Variants in ARHGAP39 observed in about 807,000 individuals in gnomAD.
ARHGAP39 encodes Rho GTPase activating protein 39.
In ARHGAP39, 44 loss-of-function variants were observed where a neutral mutation model predicts 106.9. That is an observed-to-expected ratio of 0.41 (90% CI 0.32 to 0.53). The LOEUF (loss-of-function observed/expected upper bound fraction) is 0.53, where lower values mean the gene tolerates loss of function less well. Among genes scored for constraint, ARHGAP39 ranks in the 20% least tolerant of loss-of-function variants. The pLI, the probability that ARHGAP39 is intolerant of heterozygous loss-of-function variation, is 0.21. For missense variants in ARHGAP39, 1,496 were observed against 1,577.3 expected (o/e 0.95, Z 0.87); for synonymous variants, 768 against 693.2 (o/e 1.11, Z -1.69).
chr8:144,552,873 A>G (rs965558906), intron 4 of ARHGAP39, among the ~76,000 whole-genome samples: 1 of 151,844 alleles, frequency 6.6e-6, no homozygotes, highest in African/African-American at 2.4e-5. Flanking sequence ...GCCATCTCAC[A>G]TGGCATCACA....
Position 144,530,685 on chromosome 8 carries a change from C to T in ARHGAP39, c.3150+17G>A. On this transcript the variant is annotated intron_variant, in intron 11 of 11. Transcript: ENST00000377307. ...CGGGGAGGGGAAAGCAGCGGGGACC[C>T]CCGGGGAGGGAAGTACCTGCAGGAA... is the stretch of plus-strand genomic sequence containing the variant. The T allele has an allele frequency of 6.4e-7, 1 of 1,573,130 alleles. No individual in the cohort carries two copies. The highest frequency in any genetic ancestry group is 8.6e-7 in the Non-Finnish European group (1 of 1,158,014).
chr8:144,593,267 A>T lies in ARHGAP39; in HGVS notation c.81-11990T>A, dbSNP rs569211505. Among the ~76,000 whole-genome samples the T allele has an allele frequency of 2.6e-5, 4 of 152,266 alleles. No individual in the cohort carries two copies. The South Asian group carries it at 8.3e-4, about 32-fold the overall frequency. On this transcript the variant is annotated intron_variant, in intron 2 of 11. Transcript: ENST00000377307. ...CCAGACAATTTGCCAGGTGCTAGGG[A>T]CACAAGAGTGAACAAGAATGTGCCC...
At chr8:144,691,652 G>GT in the ARHGAP39 span, among the ~76,000 whole-genome samples, 4 of 151,762 alleles carry the variant, frequency 2.6e-5, no homozygotes, top group South Asian at 2.1e-4. Context: ...GGCTGTAGGT[G>GT]TTTTTTTTAG....
At chr8:144,629,557 G>A (rs1821011040) in intron 1 of ARHGAP39, among the ~76,000 whole-genome samples, 1 of 152,264 alleles carries the variant, frequency 6.6e-6, no homozygotes. Context: ...GGTTTCAGAA[G>A]TCTGAGCTTT....
chr8:144,539,316 G>A (rs1175843659), intron 6 of ARHGAP39, among the ~76,000 whole-genome samples: 2 of 152,086 alleles, frequency 1.3e-5, no homozygotes, highest in Non-Finnish European at 1.5e-5. Flanking sequence ...TTCCACTACC[G>A]CCGACAGTCG....
At chr8:144,659,130 A>C (rs530312964) in intron 1 of ARHGAP39, among the ~76,000 whole-genome samples, 4 of 152,290 alleles carry the variant, frequency 2.6e-5, no homozygotes, top group African/African-American at 9.6e-5. Flanking sequence ...AGACAAATCA[A>C]CTCAGAGTCC....
In ARHGAP39 at chr8:144,591,119, G is replaced by A. The variant is rs375157147; in HGVS notation, c.81-9842C>T. Among the ~76,000 whole-genome samples the A allele has an allele frequency of 1.3e-5, 2 of 152,122 alleles. No individual in the cohort carries two copies. The highest frequency in any genetic ancestry group is 2.9e-5 in the Non-Finnish European group (2 of 68,006). ...TTTGCTTCCATGACCTCCTGGAGCC[G>A]GGTGGCTGCGCAGGCCTGGGGTGCA... On this transcript the variant is annotated intron_variant, in intron 2 of 11. Coordinates refer to ENST00000377307, the MANE Select transcript of ARHGAP39 (RefSeq NM_025251.3). The surrounding 1 kb of genome is among the most constrained non-coding windows in gnomAD (Gnocchi z 5.3).
intron 2 of ARHGAP39, among the ~76,000 whole-genome samples, chr8:144,599,756 G>A (rs991015080): frequency 3.9e-5 from 6 of 152,254 alleles, no homozygotes; most frequent in African/African-American, 1.4e-4. Context: ...TAGGAACACA[G>A]GATGAGCCAG....
upstream of ARHGAP39, among the ~76,000 whole-genome samples, chr8:144,688,476 G>A (rs1055710445): frequency 2.0e-5 from 3 of 152,214 alleles, no homozygotes; most frequent in African/African-American, 4.8e-5. Flanking sequence ...GACCTGTGTG[G>A]TGGCTCACAG....
chr8:144,605,685 A>G lies in ARHGAP39; in HGVS notation c.-71T>C. The G allele has an allele frequency of 1.3e-6, 2 of 1,494,980 alleles. No individual in the cohort carries two copies. The highest frequency in any genetic ancestry group is 1.7e-5 in the Admixed American group (1 of 59,374). 92.6% of individuals were successfully genotyped at this position (1,494,980 alleles called of 1,614,324 possible). On this transcript the variant is annotated 5_prime_UTR_variant, in exon 2 of 12. Coordinates refer to ENST00000377307, the MANE Select transcript of ARHGAP39 (RefSeq NM_025251.3). ...ACGCACAACGCCAGCATCAGACGGG[A>G]AGGTGCCGCACTGCAAGAGGGGAGA... is the stretch of plus-strand genomic sequence containing the variant.
At chr8:144,606,658 G>A (rs117262717) in intron 1 of ARHGAP39, among the ~76,000 whole-genome samples, 2,042 of 152,248 alleles carry the variant, frequency 0.013, 21 homozygotes, top group Non-Finnish European at 0.022. Flanking sequence ...GACTGCGGAG[G>A]AGGAGGAGGA....
intron 1 of ARHGAP39, among the ~76,000 whole-genome samples, chr8:144,606,353 T>C (rs1820291414): frequency 6.6e-6 from 1 of 152,124 alleles, no homozygotes; most frequent in South Asian, 2.1e-4. Flanking sequence ...CCAACCCCCT[T>C]CCTCTTCCTT....
rs531483319 is a variant in ARHGAP39, at chr8:144,547,268, G to A, written c.1818C>T (p.Asp606=). ...PGPVVRAFSE[D]EALAQQENRH... is the part of the protein sequence containing the mutation. ...TGTTCTCCTGCTGGGCCAGCGCCTC[G>A]TCCTCGCTGAAGGCCCGCACCACCG... The change falls in exon 5 of 12, where the codon GAC becomes GAT. Residue 606 remains aspartate (D), a synonymous_variant. Transcript: ENST00000377307. This position sits in a 1 kb window ranked among gnomAD's most constrained non-coding sequence, Gnocchi z 5.2. 1.2e-6 allele frequency: 2 copies of A among 1,612,464 alleles called. No homozygotes were observed. The highest frequency in any genetic ancestry group is 8.5e-7 in the Non-Finnish European group (1 of 1,179,776).
At chr8:144,596,972 C>A (rs956333060) in intron 2 of ARHGAP39, among the ~76,000 whole-genome samples, 2 of 152,238 alleles carry the variant, frequency 1.3e-5, no homozygotes, top group Admixed American at 1.3e-4. Flanking sequence ...AAGGGCAAGG[C>A]AGGTCTAACG....
At chr8:144,653,014 G>C (rs1263591112) in intron 1 of ARHGAP39, among the ~76,000 whole-genome samples, 1 of 152,124 alleles carries the variant, frequency 6.6e-6, no homozygotes, top group East Asian at 1.9e-4. Flanking sequence ...ATTGAAATAT[G>C]AGGCCGGGCG....
Position 144,643,208 on chromosome 8 carries a change from T to C in ARHGAP39, c.-81-37513A>G, listed in dbSNP as rs192211239. Among the ~76,000 whole-genome samples, 26 of 152,252 alleles carry C rather than the reference T, an allele frequency of 1.7e-4. No individual in the cohort carries two copies. The East Asian group carries it at 3.9e-3, about 23-fold the overall frequency. On this transcript the variant is annotated intron_variant, in intron 1 of 11. Transcript: ENST00000377307. ...ATGGTGTGGTGGCTCACGTTTGTAA[T>C]TGTAGCACTTTGGGAGGCTGAGGTG...
chr8:144,599,315 T>C (rs1433042109), intron 2 of ARHGAP39, among the ~76,000 whole-genome samples: 2 of 152,240 alleles, frequency 1.3e-5, no homozygotes, highest in African/African-American at 4.8e-5. Flanking sequence ...CCAGGAAGCT[T>C]TGAAAAAGGA....
chr8:144,692,862 C>T, the ARHGAP39 span, among the ~76,000 whole-genome samples: 3 of 146,688 alleles, frequency 2.0e-5, no homozygotes, highest in South Asian at 2.1e-4. Flanking sequence ...CAGGTTCAAG[C>T]GATTCTCCTA....
intron 1 of ARHGAP39, among the ~76,000 whole-genome samples, chr8:144,667,411 C>G (rs560928472): frequency 6.6e-6 from 1 of 152,334 alleles, no homozygotes; most frequent in Admixed American, 6.5e-5. Flanking sequence ...TCTCCAGGCC[C>G]TCCCTCATCC....
Sources: gnomAD v4.1 joint callset for allele counts (sites outside exome capture counted in the v4.1 genomes callset) on GRCh38, gnomAD v4.1.1 for gene constraint, Gnocchi (gnomAD v3.1) non-coding constraint, MANE v1.5 for transcripts, NCBI Gene and HGNC (gene_info 2026-07-23, HGNC 2026-07-21) for gene names.